Variants in CSMD1 observed in about 807,000 individuals in gnomAD.
CSMD1 encodes the protein CUB and sushi domain-containing protein 1.
A neutral mutation model predicts 417.5 loss-of-function variants in CSMD1; 213 were observed. The ratio of observed to expected loss-of-function variants is 0.51; its 90% CI spans 0.46 to 0.57. The LOEUF is 0.57. CSMD1 is among the 20% of genes least tolerant of loss of function. The pLI is 0.00. For missense variants in CSMD1, 6,923 were observed against 4,529.7 expected, an observed-to-expected ratio of 1.53 and a Z score of -15.17; for synonymous variants, 2,862 against 1,736.8, an observed-to-expected ratio of 1.65 and a Z score of -16.11.
intron 26 of CSMD1, among the ~76,000 whole-genome samples, chr8:3,275,487 T>C (rs903767502): frequency 3.3e-5 from 5 of 152,230 alleles, no homozygotes; most frequent in Non-Finnish European, 5.9e-5. Flanking sequence ...CCTTGCTAGA[T>C]TGGGGAAGTT....
intron 7 of CSMD1, among the ~76,000 whole-genome samples, chr8:3,676,043 G>A (rs914552372): frequency 6.6e-6 from 1 of 152,136 alleles, no homozygotes; most frequent in Non-Finnish European, 1.5e-5. Flanking sequence ...ACAAATATAG[G>A]CATAGGAAGT....
chr8:4,047,562 T>G (rs192626787), intron 3 of CSMD1, among the ~76,000 whole-genome samples: 2 of 152,038 alleles, frequency 1.3e-5, no homozygotes, highest in African/African-American at 4.8e-5. Flanking sequence ...ATTTATAGAA[T>G]GCAAATTATG....
chr8:4,260,151 A>G (rs911291280), intron 3 of CSMD1, among the ~76,000 whole-genome samples: 3 of 152,140 alleles, frequency 2.0e-5, no homozygotes, highest in African/African-American at 7.2e-5. Flanking sequence ...TACAGTGGCT[A>G]AGTCCCATCA....
chr8:4,291,848 T>A (rs1797385515), intron 3 of CSMD1, among the ~76,000 whole-genome samples: 1 of 152,218 alleles, frequency 6.6e-6, no homozygotes, highest in East Asian at 1.9e-4. Context: ...GCAAAATAAT[T>A]AACTCATGTG....
intron 5 of CSMD1, among the ~76,000 whole-genome samples, chr8:3,816,325 A>T (rs535125908): frequency 1.3e-5 from 2 of 152,290 alleles, no homozygotes; most frequent in South Asian, 4.1e-4. Flanking sequence ...GTTTTCAGCT[A>T]CCCACAGTCA....
chr8:4,212,096 A>T (rs1194160002), intron 3 of CSMD1, among the ~76,000 whole-genome samples: 1 of 151,898 alleles, frequency 6.6e-6, no homozygotes, highest in Non-Finnish European at 1.5e-5. Context: ...AACGGAACGT[A>T]AAAGTCATGA....
At position 4,071,308 on chromosome 8, in the gene CSMD1, G is replaced by A. The variant is rs73187990; in HGVS notation, c.416-39209C>T. 2.3e-4 allele frequency among the ~76,000 whole-genome samples: 35 copies of A among 151,964 alleles called. No individual in the cohort carries two copies. In the East Asian group the frequency reaches 6.8e-3, roughly 30 times the overall value. ...AGTCTTATTTTCTCTATATTCTACT[G>A]ATTAGATAATTTCCATTGGACTAAC... On this transcript the variant is annotated intron_variant, in intron 3 of 69. Transcript: ENST00000635120.
chr8:4,733,627 A>T (rs181569211), intron 1 of CSMD1, among the ~76,000 whole-genome samples: 35 of 152,342 alleles, frequency 2.3e-4, no homozygotes, highest in Admixed American at 2.0e-3. Flanking sequence ...ATTTTTATCC[A>T]ATAGTCTACA....
intron 1 of CSMD1, among the ~76,000 whole-genome samples, chr8:4,952,146 T>C (rs1244873199): frequency 6.6e-6 from 1 of 151,938 alleles, no homozygotes; most frequent in Non-Finnish European, 1.5e-5. Flanking sequence ...CACAAAATAA[T>C]GTCTTAAAAT....
intron 10 of CSMD1, among the ~76,000 whole-genome samples, chr8:3,562,048 T>G (rs1024083596): frequency 6.6e-6 from 1 of 151,518 alleles, no homozygotes; most frequent in Non-Finnish European, 1.5e-5. Context: ...ACCCATCTCA[T>G]AAAACACTCT....
intron 29 of CSMD1, among the ~76,000 whole-genome samples, chr8:3,218,734 T>C (rs1798028966): frequency 6.6e-6 from 1 of 151,926 alleles, no homozygotes; most frequent in African/African-American, 2.4e-5. Context: ...TAGCCGTGTA[T>C]GGTGGCATGC....
intron 7 of CSMD1, among the ~76,000 whole-genome samples, chr8:3,639,619 T>A (rs1385218954): frequency 6.6e-6 from 1 of 152,236 alleles, no homozygotes; most frequent in Non-Finnish European, 1.5e-5. Flanking sequence ...AATTAATGAT[T>A]CTAAATCCCA....
intron 1 of CSMD1, among the ~76,000 whole-genome samples, chr8:4,826,469 T>C (rs1799834596): frequency 6.6e-6 from 1 of 152,176 alleles, no homozygotes; most frequent in Non-Finnish European, 1.5e-5. Context: ...TTTTAGTTTC[T>C]TTGATTTTGC....
intron 3 of CSMD1, among the ~76,000 whole-genome samples, chr8:4,286,359 T>C (rs1797055043): frequency 6.6e-6 from 1 of 152,138 alleles, no homozygotes; most frequent in South Asian, 2.1e-4. Flanking sequence ...CGTTTTTCCT[T>C]CTATGTTAGT....
chr8:3,855,372 C>G (rs1033233595), intron 5 of CSMD1, among the ~76,000 whole-genome samples: 1 of 151,928 alleles, frequency 6.6e-6, no homozygotes, highest in Admixed American at 6.6e-5. Context: ...ATTTGCTAGT[C>G]TGAACAACAG....
intron 50 of CSMD1, among the ~76,000 whole-genome samples, chr8:3,037,024 A>G (rs1456378112): frequency 6.6e-6 from 1 of 152,040 alleles, no homozygotes; most frequent in Admixed American, 6.6e-5. Flanking sequence ...ATTCTTATGC[A>G]TTTGCATCCC....
chr8:3,385,739 A>C (rs1023824), intron 18 of CSMD1, among the ~76,000 whole-genome samples: 72,968 of 151,942 alleles, frequency 0.48, 17,702 homozygotes, highest in Middle Eastern at 0.51. Context: ...TTAAAGTTTA[A>C]TGTAAAAAAA....
intron 1 of CSMD1, among the ~76,000 whole-genome samples, chr8:4,843,732 C>T (rs564653719): frequency 6.6e-6 from 1 of 152,188 alleles, no homozygotes; most frequent in African/African-American, 2.4e-5. Context: ...TACACAATGC[C>T]TATCACAGTG....
intron 20 of CSMD1, among the ~76,000 whole-genome samples, chr8:3,363,083 G>C (rs61387949): frequency 0.011 from 1,724 of 152,250 alleles, 28 homozygotes; most frequent in African/African-American, 0.038. Flanking sequence ...TCTGGCCACA[G>C]TGCCCCTCTG....
Sources: allele counts gnomAD v4.1 joint callset (sites outside exome capture counted in the v4.1 genomes callset), GRCh38; gene constraint gnomAD v4.1.1; transcripts MANE v1.5; gene names NCBI Gene and HGNC (gene_info 2026-07-23, HGNC 2026-07-21).